The following TTC6 variants were observed in gnomAD, a reference collection of about 807,000 sequenced individuals.
TTC6 encodes tetratricopeptide repeat protein 6.
A neutral mutation model predicts 210.4 loss-of-function variants in TTC6; 172 were observed. That is an observed-to-expected ratio of 0.82 (90% CI 0.72 to 0.93). The LOEUF is 0.93. TTC6 is among the 40% of genes least tolerant of loss of function. The pLI is 0.00. For synonymous variants in TTC6, 804 were observed against 819.6 expected (o/e 0.98, Z 0.32); for missense variants, 2,414 against 2,318.1 (o/e 1.04, Z -0.85).
chr14:37,824,130 A>T (rs1388354770), intron 27 of TTC6, among the ~76,000 whole-genome samples, 173 bp downstream of exon 29: 3 of 152,028 alleles, frequency 2.0e-5, no homozygotes, highest in Non-Finnish European at 2.9e-5. Context: ...AGTTATAGAG[A>T]GGCTGCCTGG....
chr14:37,625,409 G>T (rs142093786), intron 1 of TTC6, among the ~76,000 whole-genome samples: 1,592 of 151,966 alleles, frequency 0.01, 29 homozygotes, highest in African/African-American at 0.036. Flanking sequence ...TTAGCCGGGC[G>T]TGGTGGCAGG....
exon 15 of TTC6, chr14:37,787,491 T>C (rs1194270545): frequency 6.5e-7 from 1 of 1,529,310 alleles, no homozygotes; most frequent in Non-Finnish European, 8.8e-7. Flanking sequence ...ATTGCATATG[T>C]TAAATGGAAA....
chr14:37,841,131 A>C (rs1377740030), intron 29 of TTC6, among the ~76,000 whole-genome samples: 1 of 152,142 alleles, frequency 6.6e-6, no homozygotes, highest in Non-Finnish European at 1.5e-5. Flanking sequence ...GGCCTCCCAA[A>C]GTGCTGGGAT....
At chr14:37,653,583 G>GGGGA (rs61561458) in intron 1 of TTC6, among the ~76,000 whole-genome samples, 8,324 of 151,962 alleles carry the variant, frequency 0.055, 753 homozygotes, top group African/African-American at 0.19. Context: ...TGCTATGGTC[G>GGGGA]GGGAGAGATG....
rs2139200212 is a variant in TTC6, at chr14:37,598,024, CTTT to C, written c.-235+2017_-235+2019del. Among the ~76,000 whole-genome samples, 1 of 152,306 alleles carries C rather than the reference CTTT, an allele frequency of 6.6e-6. No homozygotes were observed. The highest frequency in any genetic ancestry group is 1.9e-4 in the East Asian group (1 of 5,182). ...GCGAATCAGCAGGGTCGTGTTGGGTCTTTGACTTGGAAATGCATACATACATAC... is the reference window on the plus strand; with the variant it reads ...GCGAATCAGCAGGGTCGTGTTGGGTCGACTTGGAAATGCATACATACATAC... On this transcript the variant is annotated intron_variant, in intron 1 of 2. Coordinates refer to the TTC6 transcript ENST00000556845. The surrounding 1 kb of genome is among the most constrained non-coding windows in gnomAD (Gnocchi z 4.9).
intron 1 of TTC6, among the ~76,000 whole-genome samples, chr14:37,634,609 A>G (rs754562644): frequency 2.6e-5 from 4 of 152,230 alleles, no homozygotes; most frequent in Non-Finnish European, 4.4e-5. Flanking sequence ...GGCAAGAGAC[A>G]TAAACCTACA....
At chr14:37,741,194 A>G (rs1441747726) in intron 10 of TTC6, among the ~76,000 whole-genome samples, 2 of 151,326 alleles carry the variant, frequency 1.3e-5, no homozygotes, top group East Asian at 1.9e-4. Flanking sequence ...ATGAATGTAG[A>G]TATGAATTGT....
rs1394886416 is a variant in TTC6, at chr14:37,762,546, T to C, written c.3266+9311T>C. On this transcript the variant is annotated intron_variant, in intron 14 of 30. Coordinates refer to ENST00000553443, the Ensembl canonical transcript of TTC6. ...AGCTCATTGTGGTTTTAATTTTTCA[T>C]TTCCCTAATGATGTTGAGCATTTTT... 4.6e-5 allele frequency among the ~76,000 whole-genome samples: 7 copies of C among 152,194 alleles called. No homozygotes were observed. In the East Asian group the frequency reaches 9.6e-4, roughly 21 times the overall value.
chr14:37,642,018 T>C (rs2095692842), intron 1 of TTC6, among the ~76,000 whole-genome samples: 1 of 152,390 alleles, frequency 6.6e-6, no homozygotes, highest in South Asian at 2.1e-4. Flanking sequence ...GATGGCACTT[T>C]GCTTTCTCTG....
chr14:37,619,178 T>C (rs113987522), upstream of TTC6, among the ~76,000 whole-genome samples: 2 of 152,314 alleles, frequency 1.3e-5, 1 homozygote, highest in African/African-American at 4.8e-5. Context: ...CAGATTATTT[T>C]CACTTTTTAA....
chr14:37,699,919 A>C (rs2095821701), intron 4 of TTC6, among the ~76,000 whole-genome samples: 1 of 152,172 alleles, frequency 6.6e-6, no homozygotes, highest in South Asian at 2.1e-4. Flanking sequence ...CTCAGAAGCC[A>C]CACCCAGTTT....
intron 1 of TTC6, among the ~76,000 whole-genome samples, chr14:37,672,874 G>A (rs1359500795): frequency 7.0e-6 from 1 of 142,140 alleles, no homozygotes; most frequent in Non-Finnish European, 1.5e-5. Context: ...CTATAGGGTA[G>A]CTATCAGAGA....
At chr14:37,695,581 G>C (rs769490331) in intron 3 of TTC6, among the ~76,000 whole-genome samples, 3 of 152,044 alleles carry the variant, frequency 2.0e-5, no homozygotes, top group Admixed American at 1.3e-4. Flanking sequence ...TTGAACTCCC[G>C]ACCTCAGGTG....
intron 2 of TTC6, among the ~76,000 whole-genome samples, chr14:37,681,138 A>G (rs1319848065): frequency 6.6e-6 from 1 of 152,108 alleles, no homozygotes; most frequent in African/African-American, 2.4e-5. Flanking sequence ...TAGTATGTGG[A>G]TATATCAATT....
chr14:37,647,826 G>C (rs1026353859), intron 1 of TTC6, among the ~76,000 whole-genome samples: 2 of 152,092 alleles, frequency 1.3e-5, no homozygotes, highest in African/African-American at 2.4e-5. Flanking sequence ...GAGGCAGAGA[G>C]AAGTGGAATT....
intron 1 of TTC6, among the ~76,000 whole-genome samples, chr14:37,656,996 G>A (rs1049278848): frequency 2.0e-5 from 3 of 152,056 alleles, no homozygotes; most frequent in South Asian, 4.1e-4. Flanking sequence ...GATCACCTGA[G>A]GTCAGGCGTT....
At chr14:37,633,872 GC>G (rs1595040581) in intron 1 of TTC6, among the ~76,000 whole-genome samples, 1 of 152,164 alleles carries the variant, frequency 6.6e-6, no homozygotes, top group East Asian at 1.9e-4. Context: ...TAACAAGGAG[GC>G]CCCCATCCCT....
chr14:37,753,472 C>T (rs990139961), intron 14 of TTC6, among the ~76,000 whole-genome samples: 1 of 152,202 alleles, frequency 6.6e-6, no homozygotes, highest in African/African-American at 2.4e-5. Flanking sequence ...GTTACATTAT[C>T]AATTTCTAAA....
chr14:37,841,548 C>G, exon 30 of TTC6: 1 of 1,604,902 alleles, frequency 6.2e-7, no homozygotes, highest in Non-Finnish European at 8.5e-7. Flanking sequence ...TATGAAGAAG[C>G]AAAAGAAGAT....
Sources: allele counts gnomAD v4.1 joint callset (sites outside exome capture counted in the v4.1 genomes callset), GRCh38; gene constraint gnomAD v4.1.1; non-coding constraint Gnocchi (gnomAD v3.1); transcripts MANE v1.5; gene names NCBI Gene and HGNC (gene_info 2026-07-23, HGNC 2026-07-21).